The following ALDH1A2 variants were observed in gnomAD, a reference collection of about 807,000 sequenced individuals.
ALDH1A2 encodes the protein aldehyde dehydrogenase 1 family member A2, also known as retinal dehydrogenase 2.
Under a neutral mutation model 60.3 loss-of-function variants are expected in ALDH1A2, and 27 were observed. The observed-to-expected ratio is 0.45, with a 90% confidence interval of 0.33 to 0.62. ALDH1A2 has a LOEUF of 0.62. Ranked by LOEUF, ALDH1A2 falls within the 20% of genes least tolerant of loss-of-function variation. The pLI, the probability that ALDH1A2 is intolerant of heterozygous loss-of-function variation, is 0.02. For synonymous variants in ALDH1A2, 289 were observed against 232.4 expected (o/e 1.24, Z -2.21); for missense variants, 581 against 643.8 (o/e 0.90, Z 1.06).
rs1893825393 is a variant in ALDH1A2, at chr15:57,964,290, A to T, written c.902-221T>A. 5 of 563,482 alleles carry T rather than the reference A, an allele frequency of 8.9e-6. No homozygotes were observed. The Middle Eastern group carries it at 1.4e-3, about 163-fold the overall frequency. The allele number at this position is 563,482 out of a possible 1,614,324, so 34.9% of individuals were successfully genotyped here. ...TCTTTGGGTCTCTTTCTTATTCTGCAAACAGAGGTACTGAACCTCGTGTAT... is the reference window on the plus strand; with the variant it reads ...TCTTTGGGTCTCTTTCTTATTCTGCTAACAGAGGTACTGAACCTCGTGTAT... On this transcript the variant is annotated intron_variant, in intron 8 of 12. Transcript: ENST00000249750.
At chr15:58,017,225 C>A (rs1220608406) in intron 1 of ALDH1A2, among the ~76,000 whole-genome samples, 1 of 152,114 alleles carries the variant, frequency 6.6e-6, no homozygotes, top group Non-Finnish European at 1.5e-5. Context: ...TGCACAAGAA[C>A]CTGGACCATC....
At chr15:57,976,266 C>A (rs1894253243) in intron 7 of ALDH1A2, among the ~76,000 whole-genome samples, 1 of 152,144 alleles carries the variant, frequency 6.6e-6, no homozygotes, top group Non-Finnish European at 1.5e-5. Context: ...TTAATAGGTA[C>A]CAGGCATCTT....
chr15:58,042,971 T>C (rs1896555435), intron 1 of ALDH1A2, among the ~76,000 whole-genome samples: 1 of 151,944 alleles, frequency 6.6e-6, no homozygotes. Flanking sequence ...GACTGTGCAT[T>C]AGGGGCTTAT....
At chr15:58,022,675 C>G (rs1895963381) in intron 1 of ALDH1A2, among the ~76,000 whole-genome samples, 1 of 152,200 alleles carries the variant, frequency 6.6e-6, no homozygotes. Flanking sequence ...CATCCCAGTC[C>G]TCAGCACAAC....
intron 1 of ALDH1A2, among the ~76,000 whole-genome samples, chr15:58,052,260 G>A (rs1331545315): frequency 1.3e-5 from 2 of 152,196 alleles, no homozygotes; most frequent in South Asian, 2.1e-4. Context: ...AACTAAATAT[G>A]CAAGCAGTTC....
chr15:57,976,470 T>C (rs1302222189), intron 7 of ALDH1A2, among the ~76,000 whole-genome samples: 7 of 152,142 alleles, frequency 4.6e-5, no homozygotes, highest in African/African-American at 9.7e-5. Context: ...CCTGTGTCCA[T>C]GCATCCTCAT....
At chr15:57,975,700 A>G (rs531703990) in intron 7 of ALDH1A2, among the ~76,000 whole-genome samples, 1 of 152,330 alleles carries the variant, frequency 6.6e-6, no homozygotes, top group East Asian at 1.9e-4. Flanking sequence ...AGATCTCAAA[A>G]TAACTGTGCT....
intron 1 of ALDH1A2, among the ~76,000 whole-genome samples, chr15:58,050,771 C>G (rs1896754075): frequency 6.6e-6 from 1 of 152,112 alleles, no homozygotes; most frequent in African/African-American, 2.4e-5. Context: ...GGAAATTTTT[C>G]TCATCACAAA....
intron 1 of ALDH1A2, among the ~76,000 whole-genome samples, chr15:58,030,542 C>G (rs558835830): frequency 6.6e-6 from 1 of 151,934 alleles, no homozygotes; most frequent in African/African-American, 2.4e-5. Context: ...CTGGTCAGGG[C>G]AATCAGAGAA....
At chr15:58,006,460 G>T (rs1402054976) in intron 4 of ALDH1A2, among the ~76,000 whole-genome samples, 1 of 151,898 alleles carries the variant, frequency 6.6e-6, no homozygotes, top group African/African-American at 2.4e-5. Flanking sequence ...GTTTCAAATT[G>T]TACTGCTATA....
chr15:57,979,608 T>C (rs1435905330), intron 7 of ALDH1A2: 1 of 158,524 alleles, frequency 6.3e-6, no homozygotes, highest in African/African-American at 2.4e-5. Context: ...TCACAGACCC[T>C]CGGTTGATTG....
intron 1 of ALDH1A2, among the ~76,000 whole-genome samples, chr15:58,016,676 T>C (rs987886749): frequency 9.2e-5 from 14 of 152,182 alleles, no homozygotes; most frequent in African/African-American, 3.4e-4. Context: ...TCCTGTATTT[T>C]AAAGTATTTT....
chr15:57,955,820 G>C (rs1395743536), intron 12 of ALDH1A2, among the ~76,000 whole-genome samples: 1 of 152,198 alleles, frequency 6.6e-6, no homozygotes, highest in Admixed American at 6.5e-5. Context: ...GTTTACTACA[G>C]TGCTCCTTCT....
At chr15:57,991,274 T>C (rs1156414796) in intron 7 of ALDH1A2, 4 of 152,248 alleles carry the variant, frequency 2.6e-5, no homozygotes, top group Non-Finnish European at 5.9e-5. Context: ...AACTTCAGAA[T>C]AATTAATAAT....
chr15:57,984,137 T>G (rs1894616642), intron 7 of ALDH1A2, among the ~76,000 whole-genome samples: 1 of 152,192 alleles, frequency 6.6e-6, no homozygotes, highest in Admixed American at 6.5e-5. Context: ...TAATATGGAA[T>G]ATAGGCCCTG....
At chr15:58,018,185 G>C (rs1042794167) in intron 1 of ALDH1A2, among the ~76,000 whole-genome samples, 1 of 151,922 alleles carries the variant, frequency 6.6e-6, no homozygotes, top group African/African-American at 2.4e-5. Context: ...AAAATGGATA[G>C]GAAGATAATA....
intron 1 of ALDH1A2, among the ~76,000 whole-genome samples, chr15:58,049,616 G>A (rs957426950): frequency 1.3e-5 from 2 of 151,994 alleles, no homozygotes; most frequent in Non-Finnish European, 2.9e-5. Context: ...CAGATAGGGT[G>A]GGGAAAGAGG....
At chr15:58,000,909 T>G (rs2140501653) in intron 4 of ALDH1A2, among the ~76,000 whole-genome samples, 1 of 151,988 alleles carries the variant, frequency 6.6e-6, no homozygotes, top group Non-Finnish European at 1.5e-5. Context: ...GCCCTATGGT[T>G]GCTTCACAGT....
intron 4 of ALDH1A2, among the ~76,000 whole-genome samples, chr15:58,000,105 G>T (rs894544368): frequency 6.6e-6 from 1 of 151,920 alleles, no homozygotes; most frequent in Non-Finnish European, 1.5e-5. Context: ...AATGCATGCT[G>T]GGCTTAATAC....
Sources: allele counts gnomAD v4.1 joint callset (sites outside exome capture counted in the v4.1 genomes callset), GRCh38; gene constraint gnomAD v4.1.1; transcripts MANE v1.5; gene names NCBI Gene and HGNC (gene_info 2026-07-23, HGNC 2026-07-21).